WFDC10B: variants seen among roughly 807,000 people sequenced by gnomAD.
WFDC10B encodes the protein protein WFDC10B.
WFDC10B carries 1 observed loss-of-function variant against 2.7 expected under a neutral mutation model. The ratio of observed to expected loss-of-function variants is 0.38; its 90% CI spans 0.13 to 1.79. WFDC10B has a LOEUF of 1.79. Among genes scored for constraint, WFDC10B ranks in the 40% most tolerant of loss-of-function variants. WFDC10B has a pLI of 0.33. For missense variants in WFDC10B, 71 were observed against 87.8 expected (o/e 0.81, Z 0.76); for synonymous variants, 26 against 32.2 (o/e 0.81, Z 0.65).
intron 3 of WFDC10B, among the ~76,000 whole-genome samples, chr20:45,685,186 G>A (rs1247597333): frequency 6.6e-6 from 1 of 151,994 alleles, no homozygotes; most frequent in Non-Finnish European, 1.5e-5. Flanking sequence ...TCAATGCCTG[G>A]GCTTCCTGGA....
chr20:45,694,972 C>G (rs1280421604), intron 2 of WFDC10B, among the ~76,000 whole-genome samples: 2 of 152,230 alleles, frequency 1.3e-5, no homozygotes, highest in Non-Finnish European at 2.9e-5. Context: ...CTCACAAGGA[C>G]AGAAATTCCT....
Position 45,693,634 on chromosome 20 carries a change from G to T in WFDC10B, c.-64-7578C>A, listed in dbSNP as rs533824773. On this transcript the variant is annotated intron_variant, in intron 2 of 3. Transcript: ENST00000330523. ...GGTGGGCATAGGACCCTCCGAGCCAGGTGTGGGATATAATCTCCTGGTGCG... is the reference window on the plus strand; with the variant it reads ...GGTGGGCATAGGACCCTCCGAGCCATGTGTGGGATATAATCTCCTGGTGCG... 2.2e-4 allele frequency among the ~76,000 whole-genome samples: 33 copies of T among 152,324 alleles called. No individual in the cohort carries two copies. The South Asian group carries it at 3.1e-3, about 14-fold the overall frequency.
chr20:45,687,247 T>C (rs1482775768), intron 2 of WFDC10B, among the ~76,000 whole-genome samples: 1 of 148,014 alleles, frequency 6.8e-6, no homozygotes, highest in Non-Finnish European at 1.5e-5. Flanking sequence ...GAACATGGGG[T>C]GTTTGAACAT....
intron 2 of WFDC10B, among the ~76,000 whole-genome samples, chr20:45,686,589 T>C (rs1413241018): frequency 6.6e-6 from 1 of 151,862 alleles, no homozygotes; most frequent in Non-Finnish European, 1.5e-5. Flanking sequence ...ATTTCCACAG[T>C]TGTGAAAGCA....
intron 2 of WFDC10B, among the ~76,000 whole-genome samples, chr20:45,693,496 CG>C (rs900388919): frequency 3.9e-5 from 6 of 152,212 alleles, no homozygotes; most frequent in African/African-American, 1.4e-4. Flanking sequence ...TGGAGCTTCC[CG>C]GCTGCTTTGT....
At position 45,684,676 on chromosome 20, in the gene WFDC10B, T is replaced by C; in HGVS notation, c.*154A>G. The stretch of plus-strand genomic sequence containing the variant: ...TCCATGGGCATTTGTTCTGGTTTAT[T>C]TGACAGGGACAGGGAGTTCAGACAC... On this transcript the variant is annotated 3_prime_UTR_variant, in exon 4 of 4. Transcript: ENST00000330523. The C allele has an allele frequency of 9.8e-7, 1 of 1,025,010 alleles. No individual in the cohort carries two copies. The highest frequency in any genetic ancestry group is 1.4e-6 in the Non-Finnish European group (1 of 711,040). 63.5% of individuals were successfully genotyped at this position (1,025,010 alleles called of 1,614,324 possible).
Position 45,685,022 on chromosome 20 carries a change from T to C in WFDC10B, c.92-62A>G. On this transcript the variant is annotated intron_variant, in intron 3 of 3. Transcript: ENST00000330523. ...CACCTATAGAGCAGCCTTCTCAAGC[T>C]TGAAGCTCCTCCATGGCCCCAGAAC... is the stretch of plus-strand genomic sequence containing the variant. The C allele has an allele frequency of 6.2e-6, 10 of 1,601,764 alleles. No homozygotes were observed. The South Asian group carries it at 1.0e-4, about 16-fold the overall frequency.
chr20:45,704,258 C>A (rs192685876), intron 2 of WFDC10B, among the ~76,000 whole-genome samples: 1 of 152,308 alleles, frequency 6.6e-6, no homozygotes, highest in East Asian at 1.9e-4. Context: ...AATATCCATG[C>A]CCTGCTTCCC....
At position 45,685,975 on chromosome 20, in the gene WFDC10B, C is replaced by G. The variant is rs1254311228; in HGVS notation, c.18G>C (p.Leu6=). MAPQT[L]LLVLVLCVLL... Reference sequence around the variant, plus strand: ...GCACACAGAGAACCAGGACAAGCAGCAGAGTCTGGGGTGCCATAACTCTGA... The same window carrying G: ...GCACACAGAGAACCAGGACAAGCAGGAGAGTCTGGGGTGCCATAACTCTGA... The change falls in exon 3 of 4, where the codon CTG becomes CTC. Residue 6 remains leucine (L), a synonymous_variant. Transcript: ENST00000330523. The G allele has an allele frequency of 1.8e-5, 29 of 1,613,956 alleles. No individual in the cohort carries two copies. The highest frequency in any genetic ancestry group is 2.3e-5 in the Non-Finnish European group (27 of 1,180,006).
In WFDC10B at chr20:45,691,430, A is replaced by C. The variant is rs571556059; in HGVS notation, c.-64-5374T>G. Among the ~76,000 whole-genome samples the C allele has an allele frequency of 9.3e-5, 14 of 150,526 alleles. No homozygotes were observed. The South Asian group carries it at 3.0e-3, about 32-fold the overall frequency. On this transcript the variant is annotated intron_variant, in intron 2 of 3. Transcript: ENST00000330523. ...TCTCGTTGATCTGTCTAATGTTGAC[A>C]GTGGGGTGTTAAAGTCTCCCATTAT...
chr20:45,704,744 G>C, intron 1 of WFDC10B, 174 bp downstream of exon 1: 1 of 1,390,148 alleles, frequency 7.2e-7, no homozygotes, highest in Non-Finnish European at 9.8e-7. Context: ...TCTTGACCAA[G>C]GATAATTTCC....
chr20:45,695,341 A>G (rs1983945018), intron 2 of WFDC10B, among the ~76,000 whole-genome samples: 1 of 152,214 alleles, frequency 6.6e-6, no homozygotes, highest in Non-Finnish European at 1.5e-5. Flanking sequence ...GGTGTTGGAA[A>G]GCATTCCAGG....
At chr20:45,701,928 A>G (rs564391618) in intron 2 of WFDC10B, 1 of 573,336 alleles carries the variant, frequency 1.7e-6, no homozygotes, top group East Asian at 2.9e-5. Context: ...ATATGAAAAC[A>G]CTACGTGACC....
chr20:45,698,854 G>A (rs1022637362), intron 2 of WFDC10B, among the ~76,000 whole-genome samples: 3 of 151,746 alleles, frequency 2.0e-5, no homozygotes, highest in African/African-American at 7.3e-5. Context: ...TGTAATCCCA[G>A]CTACTCAGGA....
chr20:45,699,367 G>C (rs1203230084), intron 2 of WFDC10B, among the ~76,000 whole-genome samples: 1 of 152,106 alleles, frequency 6.6e-6, no homozygotes, highest in Non-Finnish European at 1.5e-5. Flanking sequence ...GCCAAAGCAA[G>C]GAAACAGCTG....
At chr20:45,694,859 A>AG (rs1397915390) in intron 2 of WFDC10B, among the ~76,000 whole-genome samples, 7 of 152,194 alleles carry the variant, frequency 4.6e-5, no homozygotes, top group African/African-American at 1.7e-4. Flanking sequence ...AGGAAGTTAA[A>AG]GAAGGAAGGA....
At position 45,704,989 on chromosome 20, in the gene WFDC10B, C is replaced by T. The variant is rs1224998806; in HGVS notation, c.-201G>A. 1.9e-6 allele frequency: 3 copies of T among 1,614,112 alleles called. No homozygotes were observed. The Admixed American group carries it at 5.0e-5, about 27-fold the overall frequency. On this transcript the variant is annotated 5_prime_UTR_variant, in exon 1 of 4. The change abolishes an upstream ATG in the 5' untranslated region. Coordinates refer to ENST00000330523, the MANE Select transcript of WFDC10B (RefSeq NM_172006.2). ...TGCTTGCCCTCCTTTCACAAGACAC[C>T]ATCCTTTGGCCACCAGTGTTCTTGG... is the stretch of plus-strand genomic sequence containing the variant.
chr20:45,685,674 G>A (rs1983587650), intron 3 of WFDC10B, among the ~76,000 whole-genome samples: 1 of 152,196 alleles, frequency 6.6e-6, no homozygotes, highest in African/African-American at 2.4e-5. Context: ...AGTACTGGGA[G>A]CAAACAACAA....
chr20:45,693,775 G>A lies in WFDC10B; in HGVS notation c.-64-7719C>T, dbSNP rs182077115. ...GAAAAGGAACTCCCTGACCCCTTGC[G>A]CTTCCCGAGTGAGGCAATGCCTCGC... On this transcript the variant is annotated intron_variant, in intron 2 of 3. Coordinates refer to ENST00000330523, the MANE Select transcript of WFDC10B (RefSeq NM_172006.2). Among the ~76,000 whole-genome samples, 58 of 152,332 alleles carry A rather than the reference G, an allele frequency of 3.8e-4. 1 individual carries two copies. The highest frequency in any genetic ancestry group is 6.8e-3 in the Middle Eastern group (2 of 294).
Sources: allele counts gnomAD v4.1 joint callset (sites outside exome capture counted in the v4.1 genomes callset), GRCh38; gene constraint gnomAD v4.1.1; transcripts MANE v1.5; gene names NCBI Gene and HGNC (gene_info 2026-07-23, HGNC 2026-07-21).